The following CADM2 variants were observed in gnomAD, a reference collection of about 807,000 sequenced individuals.
The protein encoded by CADM2 is immunoglobulin superfamily member 4D.
A neutral mutation model predicts 49.8 loss-of-function variants in CADM2; 12 were observed. The observed-to-expected ratio is 0.24, with a 90% CI of 0.15 to 0.39. CADM2 has a LOEUF of 0.39. Among genes scored for constraint, CADM2 ranks in the 10% least tolerant of loss-of-function variants. The probability of loss-of-function intolerance (pLI) is 1.00; values close to 1 mark genes in which losing one functional copy is unlikely to be tolerated. For missense variants in CADM2, 378 were observed against 492.3 expected (o/e 0.77, Z 2.20); for synonymous variants, 214 against 175.4 (o/e 1.22, Z -1.74).
intron 1 of CADM2, among the ~76,000 whole-genome samples, chr3:85,641,773 A>AGC: frequency 1.3e-5 from 2 of 150,790 alleles, no homozygotes; most frequent in Non-Finnish European, 3.0e-5. Flanking sequence ...AAAAATACAA[A>AGC]AAAAAAAAAT....
intron 5 of CADM2, among the ~76,000 whole-genome samples, chr3:85,898,131 C>T (rs772129302): frequency 2.0e-5 from 3 of 152,090 alleles, no homozygotes; most frequent in Non-Finnish European, 4.4e-5. Context: ...CGCAGTACCT[C>T]AAGACTCAGG....
At chr3:85,448,772 C>T (rs1031135245) in intron 1 of CADM2, among the ~76,000 whole-genome samples, 1 of 151,926 alleles carries the variant, frequency 6.6e-6, no homozygotes, top group Non-Finnish European at 1.5e-5. Flanking sequence ...AAAATTCGGC[C>T]GGGCGTGGTG....
At chr3:85,333,100 A>T (rs571858048) in intron 1 of CADM2, among the ~76,000 whole-genome samples, 1 of 151,828 alleles carries the variant, frequency 6.6e-6, no homozygotes, top group Non-Finnish European at 1.5e-5. Context: ...ATTAAATATA[A>T]TGCTCCTGTG....
intron 1 of CADM2, among the ~76,000 whole-genome samples, chr3:84,988,924 T>C (rs1575982424): frequency 6.6e-6 from 1 of 152,212 alleles, no homozygotes; most frequent in Admixed American, 6.5e-5. Flanking sequence ...AAATTATTAA[T>C]TTAGAAAATG....
intron 1 of CADM2, among the ~76,000 whole-genome samples, chr3:85,294,380 A>T (rs2043893722): frequency 6.6e-6 from 1 of 151,906 alleles, no homozygotes; most frequent in East Asian, 1.9e-4. Context: ...TAATTTACAG[A>T]TTCAATGCCA....
intron 1 of CADM2, among the ~76,000 whole-genome samples, chr3:85,115,687 G>T (rs1018069553): frequency 5.3e-5 from 8 of 152,278 alleles, no homozygotes; most frequent in Middle Eastern, 3.4e-3. Flanking sequence ...AAGGTAAAAG[G>T]TTATTAATAT....
Position 85,459,008 on chromosome 3 carries a change from T to C in CADM2, c.62-267514T>C, listed in dbSNP as rs528220908. 3.3e-5 allele frequency among the ~76,000 whole-genome samples: 5 copies of C among 152,314 alleles called. No homozygotes were observed. The South Asian group carries it at 8.3e-4, about 25-fold the overall frequency. On this transcript the variant is annotated intron_variant, in intron 1 of 9. Coordinates refer to ENST00000383699, the MANE Select transcript of CADM2 (RefSeq NM_001167675.2). ...AAAGAAAATCATATCATTTTACTTA[T>C]AGAAAATTGAGCTTGATTATATAGT...
chr3:85,965,506 A>T (rs1725366726), intron 8 of CADM2, among the ~76,000 whole-genome samples: 1 of 151,454 alleles, frequency 6.6e-6, no homozygotes, highest in African/African-American at 2.4e-5. Flanking sequence ...TGAGTTGCAT[A>T]CAGTTATTGC....
chr3:85,192,090 A>C (rs191956425), intron 1 of CADM2, among the ~76,000 whole-genome samples: 1 of 151,860 alleles, frequency 6.6e-6, no homozygotes, highest in Non-Finnish European at 1.5e-5. Context: ...ACTTATAATA[A>C]ATCATTCATA....
chr3:85,935,065 C>T (rs1327140822), intron 6 of CADM2, among the ~76,000 whole-genome samples: 6 of 151,992 alleles, frequency 3.9e-5, no homozygotes, highest in Non-Finnish European at 8.8e-5. Flanking sequence ...GTATGTCATT[C>T]AAGTTATACA....
intron 1 of CADM2, among the ~76,000 whole-genome samples, chr3:85,599,478 T>G (rs1237989267): frequency 6.6e-6 from 1 of 151,916 alleles, no homozygotes; most frequent in African/African-American, 2.4e-5. Flanking sequence ...AGCCCAAAAC[T>G]GTTTCTGCAT....
intron 1 of CADM2, among the ~76,000 whole-genome samples, chr3:85,340,095 A>G (rs1251881517): frequency 6.6e-6 from 1 of 151,456 alleles, no homozygotes; most frequent in East Asian, 1.9e-4. Context: ...ATATTTTTCT[A>G]CCAAAGAATC....
intron 2 of CADM2, among the ~76,000 whole-genome samples, chr3:85,731,117 A>G (rs559146706): frequency 5.9e-5 from 9 of 152,272 alleles, no homozygotes; most frequent in African/African-American, 2.2e-4. Context: ...ATAGGAGAAT[A>G]TTATAAATCT....
At chr3:85,693,590 G>GA (rs946396564) in intron 1 of CADM2, among the ~76,000 whole-genome samples, 5 of 110,108 alleles carry the variant, frequency 4.5e-5, no homozygotes, top group African/African-American at 1.7e-4. Flanking sequence ...AAAAAGAAAA[G>GA]AAAAAATCAG....
intron 1 of CADM2, among the ~76,000 whole-genome samples, chr3:85,161,448 T>C (rs1286196674): frequency 6.6e-6 from 1 of 152,120 alleles, no homozygotes; most frequent in East Asian, 1.9e-4. Context: ...TCCCCACTTA[T>C]GAAGCTCAGT....
chr3:85,954,854 T>C (rs1255163116), intron 7 of CADM2, among the ~76,000 whole-genome samples: 2 of 151,334 alleles, frequency 1.3e-5, no homozygotes, highest in African/African-American at 4.8e-5. Context: ...AAGTCTTTGC[T>C]TAAAGCAGAA....
intron 1 of CADM2, among the ~76,000 whole-genome samples, chr3:85,580,153 G>A (rs12637236): frequency 0.022 from 3,276 of 152,126 alleles, 144 homozygotes; most frequent in South Asian, 0.1. Flanking sequence ...AGGAAACTTC[G>A]AAATGTAAGT....
At chr3:85,773,152 A>G (rs2070184672) in intron 2 of CADM2, among the ~76,000 whole-genome samples, 2 of 150,760 alleles carry the variant, frequency 1.3e-5, no homozygotes, top group Admixed American at 6.6e-5. Flanking sequence ...TCATCTTCTT[A>G]AAACACAAAA....
chr3:85,208,712 A>T (rs2041709112), intron 1 of CADM2, among the ~76,000 whole-genome samples: 1 of 152,142 alleles, frequency 6.6e-6, no homozygotes, highest in African/African-American at 2.4e-5. Context: ...AATACAGGTG[A>T]TTATAGCATT....
Sources: gnomAD v4.1 joint callset for allele counts (sites outside exome capture counted in the v4.1 genomes callset) on GRCh38, gnomAD v4.1.1 for gene constraint, MANE v1.5 for transcripts, NCBI Gene and HGNC (gene_info 2026-07-23, HGNC 2026-07-21) for gene names.